Variants in CCDC50 observed in about 807,000 individuals in gnomAD.
The protein encoded by CCDC50 is coiled-coil domain-containing protein 50.
A neutral mutation model predicts 70.2 loss-of-function variants in CCDC50; 54 were observed. The observed-to-expected ratio is 0.77, with a 90% CI of 0.62 to 0.96. The LOEUF is 0.96. Ranked by LOEUF, CCDC50 falls within the 50% of genes least tolerant of loss-of-function variation. The pLI, the probability that CCDC50 is intolerant of heterozygous loss-of-function variation, is 0.00. For synonymous variants in CCDC50, 216 were observed against 198.8 expected, an observed-to-expected ratio of 1.09 and a Z score of -0.73; for missense variants, 558 against 578.7, an observed-to-expected ratio of 0.96 and a Z score of 0.37.
intron 9 of CCDC50, 60 bp downstream of exon 9, chr3:191,380,992 CTGCTTT>C (rs1713300459): frequency 2.2e-6 from 3 of 1,347,474 alleles, no homozygotes; most frequent in Non-Finnish European, 3.1e-6. Context: ...AAAGGGGACT[CTGCTTT>C]TGAGTTAAGC....
In CCDC50 at chr3:191,395,127, G is replaced by A. The variant is rs550880370; in HGVS notation, c.*3367G>A. The A allele has an allele frequency of 6.8e-6, 1 of 147,194 alleles. No individual in the cohort carries two copies. Among genetic ancestry groups the A allele is most frequent in the East Asian group, 2.0e-4 (1 of 4,954 alleles). The allele number at this position is 147,194 out of a possible 1,614,324, so 9.1% of individuals were successfully genotyped here. A position where few individuals can be genotyped will look rare whatever the true frequency, so the allele number is the denominator to read the frequency against. On this transcript the variant is annotated 3_prime_UTR_variant, in exon 12 of 12. Transcript: ENST00000392455. ...TCTAGGTCAACATATTCCAAAATGT[G>A]TGACCTTGGGCTTTGTGTTTACTGA...
intron 10 of CCDC50, among the ~76,000 whole-genome samples, chr3:191,383,784 T>C (rs931665015): frequency 6.6e-6 from 1 of 152,212 alleles, no homozygotes; most frequent in African/African-American, 2.4e-5. Context: ...AATAGTGGCA[T>C]ATTCTGTCTA....
chr3:191,397,705 A>G lies in CCDC50; in HGVS notation c.*5945A>G, dbSNP rs1713905937. On this transcript the variant is annotated 3_prime_UTR_variant, in exon 12 of 12. Transcript: ENST00000392455. ...GAGAGAGACTACGCATTGCCTGGGC[A>G]CTTTCAGATTCCTTAGGAAGTGCCC... 1 of 152,244 alleles carries G rather than the reference A, an allele frequency of 6.6e-6. No homozygotes were observed. The highest frequency in any genetic ancestry group is 6.5e-5 in the Admixed American group (1 of 15,278). 9.4% of individuals were successfully genotyped at this position (152,244 alleles called of 1,614,324 possible).
At chr3:191,356,750 T>C (rs1205974155) in intron 1 of CCDC50, among the ~76,000 whole-genome samples, 2 of 152,196 alleles carry the variant, frequency 1.3e-5, no homozygotes, top group Non-Finnish European at 2.9e-5. Flanking sequence ...ATACGTCTGT[T>C]ATTTCAGCAG....
At chr3:191,366,634 T>C (rs1712699273) in intron 4 of CCDC50, among the ~76,000 whole-genome samples, 1 of 152,096 alleles carries the variant, frequency 6.6e-6, no homozygotes. Context: ...GAAGCTTCTG[T>C]CATAAATTTG....
chr3:191,384,109 A>G (rs976046616), intron 10 of CCDC50, among the ~76,000 whole-genome samples: 2 of 152,190 alleles, frequency 1.3e-5, no homozygotes, highest in African/African-American at 4.8e-5. Flanking sequence ...AGTTTTTGGA[A>G]TATAATAGAT....
intron 3 of CCDC50, 92 bp downstream of exon 3, chr3:191,358,216 T>C: frequency 5.7e-6 from 8 of 1,404,128 alleles, no homozygotes; most frequent in Non-Finnish European, 8.0e-6. Flanking sequence ...CTACTTCTGT[T>C]CCTCTGATTC....
chr3:191,339,540 G>A (rs559770067), intron 1 of CCDC50, among the ~76,000 whole-genome samples: 1 of 152,284 alleles, frequency 6.6e-6, no homozygotes, highest in Non-Finnish European at 1.5e-5. Context: ...CAAACTGTAG[G>A]TTGTACTGAA....
intron 5 of CCDC50, among the ~76,000 whole-genome samples, chr3:191,372,878 A>G (rs938165688): frequency 6.6e-6 from 1 of 152,130 alleles, no homozygotes; most frequent in Non-Finnish European, 1.5e-5. Flanking sequence ...AATTTTAATG[A>G]AGTTACGTAC....
chr3:191,358,189 G>A, intron 3 of CCDC50, 65 bp downstream of exon 3: 7 of 1,598,354 alleles, frequency 4.4e-6, no homozygotes, highest in Non-Finnish European at 5.1e-6. Context: ...TAGCAACCAG[G>A]GCAGGGGAGA....
intron 9 of CCDC50, 123 bp from the exon 10 acceptor site, chr3:191,382,623 A>T: frequency 1.5e-6 from 1 of 671,666 alleles, no homozygotes; most frequent in East Asian, 2.8e-5. Flanking sequence ...AATTAATCTG[A>T]AATTACTAAG....
chr3:191,356,962 A>G, intron 1 of CCDC50, 126 bp from the exon 2 acceptor site: 1 of 721,670 alleles, frequency 1.4e-6, no homozygotes, highest in Non-Finnish European at 2.5e-6. Flanking sequence ...ATTGAGAATT[A>G]TAAAGTGTGT....
chr3:191,379,586 G>A (rs1012432943), intron 6 of CCDC50, among the ~76,000 whole-genome samples: 1 of 152,040 alleles, frequency 6.6e-6, no homozygotes, highest in African/African-American at 2.4e-5. Flanking sequence ...TCAAAGCTGT[G>A]GGGAAGTTCT....
intron 1 of CCDC50, among the ~76,000 whole-genome samples, chr3:191,352,753 AT>A (rs1483052546): frequency 8.4e-6 from 1 of 119,448 alleles, no homozygotes; most frequent in Non-Finnish European, 1.8e-5. Flanking sequence ...TATCTCCAAG[AT>A]ATGCCTATAT....
chr3:191,363,345 A>G (rs900818449), intron 4 of CCDC50, among the ~76,000 whole-genome samples: 4 of 152,230 alleles, frequency 2.6e-5, no homozygotes, highest in Non-Finnish European at 5.9e-5. Flanking sequence ...ATACTGTGGT[A>G]TACATGAAAC....
chr3:191,361,107 A>G lies in CCDC50; in HGVS notation c.278A>G (p.Glu93Gly), dbSNP rs762134900. 1.2e-6 allele frequency: 2 copies of G among 1,613,888 alleles called. No individual in the cohort carries two copies. ...TGTGAAATTGCTCAGGAAATTCAGG[A>G]GAAGCTGGCTATTGAGGCAGAGAGA... ...QDCEIAQEIQ[E>G]KLAIEAERRR... The change falls in exon 4 of 12, where the codon GAG (glutamate) becomes GGG (glycine). Residue 93 changes from glutamate (E) to glycine (G), a missense_variant. By Grantham distance (98) the Glu-to-Gly change is moderately conservative (BLOSUM62 -2). Coordinates refer to ENST00000392455, the MANE Select transcript of CCDC50 (RefSeq NM_178335.3).
chr3:191,372,066 T>A (rs868752325), intron 5 of CCDC50, among the ~76,000 whole-genome samples: 1 of 152,244 alleles, frequency 6.6e-6, no homozygotes, highest in Middle Eastern at 3.2e-3. Flanking sequence ...TAAAGCCTTA[T>A]ACTGACTTGA....
At chr3:191,356,969 G>A in intron 1 of CCDC50, 119 bp from the exon 2 acceptor site, 1 of 727,454 alleles carries the variant, frequency 1.4e-6, no homozygotes, top group Non-Finnish European at 2.5e-6. Context: ...ATTATAAAGT[G>A]TGTCATTCTG....
intron 4 of CCDC50, among the ~76,000 whole-genome samples, chr3:191,363,077 T>G (rs115655037): frequency 0.45 from 44,456 of 97,936 alleles, 6,595 homozygotes; most frequent in East Asian, 0.55. Flanking sequence ...CCTGTGGGGT[T>G]TTTTTTTTTT....
Sources: gnomAD v4.1 joint callset for allele counts (sites outside exome capture counted in the v4.1 genomes callset) on GRCh38, gnomAD v4.1.1 for gene constraint, MANE v1.5 for transcripts, NCBI Gene and HGNC (gene_info 2026-07-23, HGNC 2026-07-21) for gene names.